Variants in CABIN1 observed in about 807,000 individuals in gnomAD.
The protein encoded by CABIN1 is calcineurin-binding protein cabin-1.
In CABIN1, 133 loss-of-function variants were observed where a neutral mutation model predicts 227.7. That is an observed-to-expected ratio of 0.58 (90% CI 0.51 to 0.67). The LOEUF (loss-of-function observed/expected upper bound fraction) is 0.67. Among genes scored for constraint, CABIN1 ranks in the 30% least tolerant of loss-of-function variants. The pLI is 0.00. For synonymous variants in CABIN1, 1,086 were observed against 1,155.1 expected, an observed-to-expected ratio of 0.94 and a Z score of 1.21; for missense variants, 2,408 against 2,852.5, an observed-to-expected ratio of 0.84 and a Z score of 3.55.
Position 24,063,020 on chromosome 22 carries a change from G to A in CABIN1, c.1758G>A (p.Gly586=), listed in dbSNP as rs750468927. The stretch of plus-strand genomic sequence containing the variant: ...GCAGATTTGGACCTGACTTCCCAGG[G>A]ACCCACTGCCTGGGTGACCTCCTAC... ...VNGRFGPDFP[G]THCLGDLLQL... is the part of the protein sequence containing the mutation. Residue 586 remains glycine, a synonymous_variant, in exon 14 of 37, where the codon GGG becomes GGA. Transcript: ENST00000263119. The A allele has an allele frequency of 1.2e-6, 2 of 1,614,140 alleles. No individual in the cohort carries two copies. Among genetic ancestry groups the A allele is most frequent in the South Asian group, 2.2e-5 (2 of 91,080 alleles).
intron 1 of CABIN1, among the ~76,000 whole-genome samples, chr22:24,025,068 G>A (rs1377543797): frequency 6.6e-6 from 1 of 152,014 alleles, no homozygotes; most frequent in Non-Finnish European, 1.5e-5. Context: ...TTTTTCCTGT[G>A]AATGTGCCAC....
At chr22:24,148,178 G>A (rs2045267283) in intron 29 of CABIN1, among the ~76,000 whole-genome samples, 1 of 152,084 alleles carries the variant, frequency 6.6e-6, no homozygotes, top group South Asian at 2.1e-4. Flanking sequence ...CACTCCACAT[G>A]GGTATTGCCC....
At chr22:24,148,771 C>T (rs2045310486) in intron 29 of CABIN1, among the ~76,000 whole-genome samples, 1 of 152,212 alleles carries the variant, frequency 6.6e-6, no homozygotes, top group Non-Finnish European at 1.5e-5. Context: ...AGGGCCAGGC[C>T]CCACCCGCTC....
chr22:24,072,615 C>T, intron 18 of CABIN1, 105 bp downstream of exon 18: 1 of 1,295,620 alleles, frequency 7.7e-7, no homozygotes, highest in Non-Finnish European at 1.1e-6. Flanking sequence ...GTGAGTGGGG[C>T]TCAGTCCTCT....
At chr22:24,017,167 G>C (rs1300750006) in intron 1 of CABIN1, among the ~76,000 whole-genome samples, 4 of 151,178 alleles carry the variant, frequency 2.6e-5, no homozygotes, top group Non-Finnish European at 5.9e-5. Flanking sequence ...CTCCCGAGTA[G>C]CTGGGACTAC....
intron 1 of CABIN1, among the ~76,000 whole-genome samples, chr22:24,025,399 G>A (rs1034194199): frequency 1.1e-4 from 16 of 152,104 alleles, no homozygotes; most frequent in Non-Finnish European, 1.9e-4. Flanking sequence ...AACATCGATA[G>A]CCTGAGAAGG....
chr22:24,059,908 C>T lies in CABIN1; in HGVS notation c.1400-16C>T, dbSNP rs758002272. 1.9e-6 allele frequency: 3 copies of T among 1,612,628 alleles called. No individual in the cohort carries two copies. The East Asian group carries it at 6.7e-5, about 36-fold the overall frequency. ...TACTCTTTATTCAAGTCAGGTTGTT[C>T]TTGCTCCCCGGGCAGAAAAGCAGGA... On this transcript the variant is annotated splice_polypyrimidine_tract_variant and intron_variant, in intron 11 of 36. Coordinates refer to ENST00000263119, the MANE Select transcript of CABIN1 (RefSeq NM_012295.4).
At chr22:24,062,346 ATTTTTTTTTTTTT>A (rs35757164) in intron 13 of CABIN1, among the ~76,000 whole-genome samples, 1 of 96,540 alleles carries the variant, frequency 1.0e-5, no homozygotes, top group Admixed American at 1.0e-4. Context: ...GGTGATACGG[ATTTTTTTTTTTTT>A]TTTTTTTTTT....
At chr22:24,094,498 G>A (rs942117509) in intron 24 of CABIN1, among the ~76,000 whole-genome samples, 2 of 152,208 alleles carry the variant, frequency 1.3e-5, no homozygotes, top group African/African-American at 4.8e-5. Context: ...TGAGTCAGCT[G>A]GTAAATATGT....
At chr22:24,139,891 G>T (rs1480755425) in intron 29 of CABIN1, among the ~76,000 whole-genome samples, 1 of 152,266 alleles carries the variant, frequency 6.6e-6, no homozygotes, top group East Asian at 1.9e-4. Context: ...ATCAGCCAGT[G>T]CTGGATGTTG....
At chr22:24,159,451 C>T (rs901466089) in intron 29 of CABIN1, among the ~76,000 whole-genome samples, 1 of 152,218 alleles carries the variant, frequency 6.6e-6, no homozygotes, top group African/African-American at 2.4e-5. Context: ...TAGATGACCA[C>T]CTGCCCAGCT....
At position 24,049,217 on chromosome 22, in the gene CABIN1, A is replaced by G. The variant is rs770348183; in HGVS notation, c.653A>G (p.Lys218Arg). The change falls in exon 7 of 37, where the codon AAA becomes AGA. Residue 218 changes from lysine (K) to arginine (R), a missense_variant. This residue lies in a region of CABIN1 where 1,045 missense variants were observed against 1,168.4 expected (regional missense o/e 0.89). Transcript: ENST00000263119. Reference sequence around the variant, plus strand: ...AAGGACTCTCTCAGAATGTTCCTCAAATGGTAAGTCCTGCCTCTTCCCATG... The same window carrying G: ...AAGGACTCTCTCAGAATGTTCCTCAGATGGTAAGTCCTGCCTCTTCCCATG... ...LRKDSLRMFL[K>R]CDMSIHDVSV... The G allele has an allele frequency of 7.4e-6, 12 of 1,613,514 alleles. No homozygotes were observed. Among genetic ancestry groups the G allele is most frequent in the African/African-American group, 1.3e-5 (1 of 75,024 alleles).
intron 29 of CABIN1, among the ~76,000 whole-genome samples, chr22:24,142,983 A>C (rs1425565912): frequency 6.6e-6 from 1 of 152,096 alleles, no homozygotes; most frequent in African/African-American, 2.4e-5. Flanking sequence ...CAAGGAGCAT[A>C]ATACCTGCTG....
chr22:24,019,128 T>G (rs1407524206), intron 1 of CABIN1, among the ~76,000 whole-genome samples: 28 of 128,430 alleles, frequency 2.2e-4, no homozygotes, highest in Non-Finnish European at 2.8e-4. Flanking sequence ...TTGTTTTTTT[T>G]TTTTTTTTTT....
At chr22:24,069,997 CTG>C (rs1329465286) in intron 16 of CABIN1, among the ~76,000 whole-genome samples, 1 of 151,342 alleles carries the variant, frequency 6.6e-6, no homozygotes, top group Admixed American at 6.6e-5. Flanking sequence ...CACAGACAGG[CTG>C]TGTTTCCCCA....
chr22:24,072,585 C>T, intron 18 of CABIN1, 75 bp downstream of exon 18: 1 of 1,565,524 alleles, frequency 6.4e-7, no homozygotes, highest in Non-Finnish European at 8.8e-7. Context: ...CCCTAGGGTC[C>T]TGGACCTTAT....
intron 28 of CABIN1, among the ~76,000 whole-genome samples, chr22:24,126,320 C>G (rs1422148669): frequency 6.6e-6 from 1 of 152,170 alleles, no homozygotes; most frequent in African/African-American, 2.4e-5. Flanking sequence ...GTGATTGTGA[C>G]TATTTAGACA....
rs898835246 is a variant in CABIN1, at chr22:24,113,816, G to C, written c.4300+68G>C. The C allele has an allele frequency of 2.6e-6, 4 of 1,561,494 alleles. No individual in the cohort carries two copies. The African/African-American group carries it at 4.1e-5, about 16-fold the overall frequency. Reference sequence around the variant, plus strand: ...CTGTGGCAATCTGGGCAAAGCCGAAGGCTTCGTGGCCCAGGGACCTTGGCT... The same window carrying C: ...CTGTGGCAATCTGGGCAAAGCCGAACGCTTCGTGGCCCAGGGACCTTGGCT... On this transcript the variant is annotated intron_variant, in intron 27 of 36. Transcript: ENST00000263119.
At position 24,096,059 on chromosome 22, in the gene CABIN1, G is replaced by C; in HGVS notation, c.3915G>C (p.Lys1305Asn). The stretch of plus-strand genomic sequence containing the variant: ...GACCCTTTGCCAGGGGCGAGGAGAA[G>C]AACACACCCAAAGCTTCAGAAAAGT... ...AEGPFARGEE[K>N]NTPKASEKEK... Residue 1305 changes from lysine to asparagine, a missense_variant, in exon 25 of 37, where the codon AAG (lysine) becomes AAC (asparagine). Physicochemically the swap from Lys to Asn is moderately conservative, Grantham distance 94. This residue lies in a region of CABIN1 where 649 missense variants were observed against 910.3 expected (regional missense o/e 0.71). Transcript: ENST00000263119. 1 of 1,614,164 alleles carries C rather than the reference G, an allele frequency of 6.2e-7. No individual in the cohort carries two copies. The highest frequency in any genetic ancestry group is 8.5e-7 in the Non-Finnish European group (1 of 1,180,010).
Sources: allele counts gnomAD v4.1 joint callset (sites outside exome capture counted in the v4.1 genomes callset), GRCh38; gene constraint gnomAD v4.1.1; regional missense constraint gnomAD v4.1.1; transcripts MANE v1.5; gene names NCBI Gene and HGNC (gene_info 2026-07-23, HGNC 2026-07-21).